FOXN2: variants seen among roughly 807,000 people sequenced by gnomAD.
The protein encoded by FOXN2 is forkhead box N2.
Under a neutral mutation model 41.2 loss-of-function variants are expected in FOXN2, and 19 were observed. The ratio of observed to expected loss-of-function variants is 0.46; its 90% CI spans 0.32 to 0.68. The LOEUF (loss-of-function observed/expected upper bound fraction) is 0.68, where lower values mean the gene tolerates loss of function less well. FOXN2 is among the 30% of genes least tolerant of loss of function. The pLI, the probability that FOXN2 is intolerant of heterozygous loss-of-function variation, is 0.03. For missense variants in FOXN2, 587 were observed against 509.4 expected (o/e 1.15, Z -1.47); for synonymous variants, 195 against 176.8 (o/e 1.10, Z -0.82).
At chr2:48,341,770 A>G (rs905972050) in intron 2 of FOXN2, among the ~76,000 whole-genome samples, 1 of 152,192 alleles carries the variant, frequency 6.6e-6, no homozygotes, top group East Asian at 1.9e-4. Context: ...GTGTTAGCCT[A>G]TTTCGGGTTC....
rs2104181362 is a variant in FOXN2, at chr2:48,327,688, A to ACCTGC, written c.-156-871_-156-867dup. On this transcript the variant is annotated intron_variant, in intron 1 of 6. Transcript: ENST00000340553. ...TTGAACTCCCTACCTCAGGTGATCC[A>ACCTGC]CCTGCCTTGGCCTCCCAAAGTGCTG... Among the ~76,000 whole-genome samples, 3 of 152,130 alleles carry ACCTGC rather than the reference A, an allele frequency of 2.0e-5. No homozygotes were observed. The East Asian group carries it at 5.8e-4, about 29-fold the overall frequency.
rs996361219 is a variant in FOXN2 at position 48,318,960 on chromosome 2, CTT to C, written c.-157+4148_-157+4149del. ...ATATGTACCATAAAAATAGCCATCT[CTT>C]TGCTCCCAACACAGATAATGGAAAA... On this transcript the variant is annotated intron_variant, in intron 1 of 6. Coordinates refer to ENST00000340553, the MANE Select transcript of FOXN2 (RefSeq NM_002158.4). Among the ~76,000 whole-genome samples, 16 of 152,238 alleles carry C rather than the reference CTT, an allele frequency of 1.1e-4. 1 individual carries two copies. The highest frequency in any genetic ancestry group is 2.9e-5 in the Non-Finnish European group (2 of 68,042).
chr2:48,324,853 C>T (rs193293540), intron 1 of FOXN2, among the ~76,000 whole-genome samples: 3 of 152,098 alleles, frequency 2.0e-5, no homozygotes, highest in South Asian at 2.1e-4. Flanking sequence ...AGTTGGAACA[C>T]GGAGAGATTG....
chr2:48,325,535 G>T (rs1669604571), intron 1 of FOXN2, among the ~76,000 whole-genome samples: 1 of 152,142 alleles, frequency 6.6e-6, no homozygotes, highest in African/African-American at 2.4e-5. Flanking sequence ...AGGAAAGGTA[G>T]TAATATTTGA....
intron 3 of FOXN2, among the ~76,000 whole-genome samples, chr2:48,358,317 T>C (rs1671942906): frequency 6.6e-6 from 1 of 152,212 alleles, no homozygotes; most frequent in Non-Finnish European, 1.5e-5. Context: ...GCTATGTCTC[T>C]TGCATATAAA....
chr2:48,346,261 C>T lies in FOXN2; in HGVS notation c.47C>T (p.Pro16Leu), dbSNP rs1671093431. The T allele has an allele frequency of 2.5e-6, 4 of 1,613,856 alleles. No individual in the cohort carries two copies. Among genetic ancestry groups the T allele is most frequent in the Non-Finnish European group, 3.4e-6 (4 of 1,179,936 alleles). ...GMTPDKRAETPGAEKIAGLSQ... is the reference protein window; with the variant it reads ...GMTPDKRAETLGAEKIAGLSQ... ...ACTCCAGATAAGAGAGCTGAAACCC[C>T]AGGAGCTGAAAAGATTGCAGGATTA... Residue 16 changes from proline (P) to leucine (L), a missense_variant, in exon 3 of 7, where the codon CCA (proline) becomes CTA (leucine). Pro to Leu is a moderately conservative substitution (Grantham distance 98, BLOSUM62 -3). Coordinates refer to ENST00000340553, the MANE Select transcript of FOXN2 (RefSeq NM_002158.4).
intron 2 of FOXN2, among the ~76,000 whole-genome samples, chr2:48,335,958 G>C (rs184954506): frequency 1.3e-5 from 2 of 151,742 alleles, no homozygotes; most frequent in Non-Finnish European, 2.9e-5. Flanking sequence ...AACCCAGGGG[G>C]CAGAGCTTGC....
intron 2 of FOXN2, among the ~76,000 whole-genome samples, chr2:48,329,988 C>G (rs911664487): frequency 2.0e-5 from 3 of 151,392 alleles, no homozygotes; most frequent in African/African-American, 7.3e-5. Context: ...TTGCTACTGA[C>G]TAGACAAATT....
At chr2:48,315,668 G>C (rs982623452) in intron 1 of FOXN2, among the ~76,000 whole-genome samples, 5 of 152,156 alleles carry the variant, frequency 3.3e-5, no homozygotes, top group Non-Finnish European at 7.4e-5. Flanking sequence ...GTGGTAGTTA[G>C]CGGAAAGCAG....
At chr2:48,340,660 CTTATT>C (rs1670696016) in intron 2 of FOXN2, 1 of 152,018 alleles carries the variant, frequency 6.6e-6, no homozygotes, top group Admixed American at 6.6e-5. Flanking sequence ...ATTCATTTTT[CTTATT>C]TTATTTATTT....
chr2:48,327,985 T>C (rs1669791439), intron 1 of FOXN2, among the ~76,000 whole-genome samples: 1 of 152,216 alleles, frequency 6.6e-6, no homozygotes, highest in Non-Finnish European at 1.5e-5. Context: ...TAAGGTATCA[T>C]TGTCTGCATT....
intron 1 of FOXN2, among the ~76,000 whole-genome samples, chr2:48,326,064 A>G (rs999693882): frequency 6.6e-6 from 1 of 152,036 alleles, no homozygotes; most frequent in Admixed American, 6.6e-5. Context: ...TGGCCAGGCC[A>G]GTCTCAAACT....
intron 5 of FOXN2, among the ~76,000 whole-genome samples, chr2:48,368,850 G>T (rs1672703268): frequency 6.6e-6 from 1 of 152,130 alleles, no homozygotes; most frequent in South Asian, 2.1e-4. Context: ...TGGTGATTTG[G>T]ATCATTCATT....
chr2:48,338,960 TA>T (rs1670554007), intron 2 of FOXN2, among the ~76,000 whole-genome samples: 1 of 152,092 alleles, frequency 6.6e-6, no homozygotes, highest in African/African-American at 2.4e-5. Flanking sequence ...GCATCACATA[TA>T]AGTTATTAGT....
intron 1 of FOXN2, 55 bp from the exon 2 acceptor site, chr2:48,328,506 G>T (rs1004257605): frequency 1.3e-5 from 2 of 152,094 alleles, no homozygotes; most frequent in African/African-American, 4.8e-5. Flanking sequence ...GTCTATATCT[G>T]TTCGTTACAG....
intron 4 of FOXN2, among the ~76,000 whole-genome samples, chr2:48,361,347 C>A (rs1393468762): frequency 6.6e-6 from 1 of 151,750 alleles, no homozygotes; most frequent in Non-Finnish European, 1.5e-5. Flanking sequence ...GCGCCTGTAA[C>A]CCCAGCTACT....
chr2:48,346,776 A>ATT, intron 3 of FOXN2, 25 bp downstream of exon 3: 1 of 1,526,692 alleles, frequency 6.6e-7, no homozygotes, highest in Non-Finnish European at 8.7e-7. Flanking sequence ...ACATTGCTAT[A>ATT]TTTGGTGAGG....
At chr2:48,326,792 GTATAAGA>G (rs1669707140) in intron 1 of FOXN2, among the ~76,000 whole-genome samples, 1 of 152,128 alleles carries the variant, frequency 6.6e-6, no homozygotes, top group South Asian at 2.1e-4. Context: ...CAGGCTATTT[GTATAAGA>G]TATATATGAA....
chr2:48,322,156 C>G (rs1392238293), intron 1 of FOXN2, among the ~76,000 whole-genome samples: 1 of 152,144 alleles, frequency 6.6e-6, no homozygotes, highest in Non-Finnish European at 1.5e-5. Flanking sequence ...CCGTGTTGGC[C>G]AGGCTGGTCT....
Sources: gnomAD v4.1 joint callset for allele counts (sites outside exome capture counted in the v4.1 genomes callset) on GRCh38, gnomAD v4.1.1 for gene constraint, MANE v1.5 for transcripts, NCBI Gene and HGNC (gene_info 2026-07-23, HGNC 2026-07-21) for gene names.